Variants in EXOC4 observed in about 807,000 individuals in gnomAD.
EXOC4 encodes the protein exocyst complex component 4, also known as SEC8-like 1.
A neutral mutation model predicts 107.2 loss-of-function variants in EXOC4; 71 were observed. That is an observed-to-expected ratio of 0.66 (90% confidence interval 0.55 to 0.81). The LOEUF (loss-of-function observed/expected upper bound fraction) is 0.81, where lower values mean the gene tolerates loss of function less well. Ranked by LOEUF, EXOC4 falls within the 30% of genes least tolerant of loss-of-function variation. The probability of loss-of-function intolerance (pLI) is 0.00; values close to 1 mark genes in which losing one functional copy is unlikely to be tolerated. For missense variants in EXOC4, 1,108 were observed against 1,189.6 expected, an observed-to-expected ratio of 0.93 and a Z score of 1.01; for synonymous variants, 456 against 441.2, an observed-to-expected ratio of 1.03 and a Z score of -0.42.
chr7:134,067,630 T>TACACACACACACACAC (rs1491203303), downstream of EXOC4, among the ~76,000 whole-genome samples: 8 of 20,270 alleles, frequency 3.9e-4, 1 homozygote, highest in African/African-American at 1.9e-3. Flanking sequence ...AACTCTTATA[T>TACACACACACACACAC]ATATATATAC....
intron 10 of EXOC4, among the ~76,000 whole-genome samples, chr7:133,702,747 A>G (rs1794693520): frequency 1.3e-5 from 2 of 152,162 alleles, no homozygotes; most frequent in South Asian, 4.1e-4. Context: ...CAGCAGAGTC[A>G]TCCGTGGCTC....
intron 11 of EXOC4, among the ~76,000 whole-genome samples, chr7:133,844,457 T>A (rs1798084909): frequency 7.0e-6 from 1 of 143,538 alleles, no homozygotes; most frequent in African/African-American, 2.6e-5. Flanking sequence ...TGGCGCGATC[T>A]TGGCTCACAG....
chr7:133,845,388 TA>T (rs1232699967), intron 11 of EXOC4, among the ~76,000 whole-genome samples: 1 of 145,752 alleles, frequency 6.9e-6, no homozygotes, highest in African/African-American at 2.6e-5. Context: ...ATATTATATA[TA>T]ATATACATAT....
At chr7:133,562,474 G>C (rs1265060963) in intron 9 of EXOC4, among the ~76,000 whole-genome samples, 4 of 152,134 alleles carry the variant, frequency 2.6e-5, no homozygotes. Context: ...GATACTTCCA[G>C]ACTTGTCATT....
intron 11 of EXOC4, among the ~76,000 whole-genome samples, chr7:133,830,987 CAG>C (rs1185338197): frequency 6.7e-6 from 1 of 148,570 alleles, no homozygotes; most frequent in African/African-American, 2.6e-5. Flanking sequence ...TGTTTTGAGA[CAG>C]AGTCTCGCTC....
At chr7:133,640,957 C>T (rs1802840318) in intron 10 of EXOC4, among the ~76,000 whole-genome samples, 2 of 151,864 alleles carry the variant, frequency 1.3e-5, no homozygotes, top group Non-Finnish European at 2.9e-5. Context: ...TAGCACACTG[C>T]AGAATGCCTG....
intron 10 of EXOC4, among the ~76,000 whole-genome samples, chr7:133,719,265 C>T (rs1281147549): frequency 6.6e-6 from 1 of 152,114 alleles, no homozygotes; most frequent in Non-Finnish European, 1.5e-5. Context: ...GAGACCTCCC[C>T]AGCCATGAGA....
rs181034145 is a variant in EXOC4, at chr7:133,357,642, A to C, written c.1007+1069A>C. 4.8e-3 allele frequency among the ~76,000 whole-genome samples: 728 copies of C among 152,310 alleles called. 4 individuals carry two copies. The highest frequency in any genetic ancestry group is 7.3e-3 in the Non-Finnish European group (495 of 68,020). On this transcript the variant is annotated intron_variant, in intron 6 of 17. Coordinates refer to ENST00000253861, the MANE Select transcript of EXOC4 (RefSeq NM_021807.4). ...TATCTACTGTTTATACCTAGGGCTC[A>C]AAGTTTTTTTAAAAGAAGATAAAAT...
intron 9 of EXOC4, among the ~76,000 whole-genome samples, chr7:133,624,133 A>C (rs773601889): frequency 2.0e-5 from 3 of 152,202 alleles, no homozygotes; most frequent in Non-Finnish European, 4.4e-5. Flanking sequence ...GTTCTTTTCT[A>C]CGTGGAAAGG....
chr7:133,863,848 A>G (rs1368608328), intron 11 of EXOC4, among the ~76,000 whole-genome samples: 5 of 152,142 alleles, frequency 3.3e-5, no homozygotes, highest in Non-Finnish European at 7.4e-5. Flanking sequence ...CAGTTCTATT[A>G]CAATCTACTG....
Position 134,011,438 on chromosome 7 carries a change from C to T in EXOC4, c.2687+3603C>T, listed in dbSNP as rs559220656. Among the ~76,000 whole-genome samples the T allele has an allele frequency of 2.0e-5, 3 of 152,212 alleles. No individual in the cohort carries two copies. The East Asian group carries it at 5.8e-4, about 29-fold the overall frequency. On this transcript the variant is annotated intron_variant, in intron 17 of 17. Transcript: ENST00000253861. ...TGTCTCTTTTTTCTCCTTTATTTCTCCAATAGCTCTACTTCCTGCTCTCCT... is the reference window on the plus strand; with the variant it reads ...TGTCTCTTTTTTCTCCTTTATTTCTTCAATAGCTCTACTTCCTGCTCTCCT...
intron 7 of EXOC4, among the ~76,000 whole-genome samples, chr7:133,402,924 C>T (rs1481992932): frequency 7.3e-5 from 10 of 137,226 alleles, no homozygotes; most frequent in Admixed American, 2.4e-4. Context: ...CTCACTCTGT[C>T]GCCAGGCTAG....
intron 10 of EXOC4, among the ~76,000 whole-genome samples, chr7:133,713,945 A>G (rs1794947722): frequency 6.6e-6 from 1 of 152,182 alleles, no homozygotes; most frequent in Non-Finnish European, 1.5e-5. Context: ...AGACTAGTAC[A>G]GTATCATAGA....
chr7:133,991,145 A>T (rs1794248668), intron 14 of EXOC4, among the ~76,000 whole-genome samples: 1 of 151,916 alleles, frequency 6.6e-6, no homozygotes, highest in Non-Finnish European at 1.5e-5. Flanking sequence ...TGTGGTTTTT[A>T]TTTGCAGTTC....
At chr7:134,032,559 A>G (rs1585337667) in intron 17 of EXOC4, among the ~76,000 whole-genome samples, 1 of 152,352 alleles carries the variant, frequency 6.6e-6, no homozygotes, top group East Asian at 1.9e-4. Flanking sequence ...GCCAACAGGA[A>G]CTAGCTCAGT....
intron 5 of EXOC4, among the ~76,000 whole-genome samples, chr7:133,336,695 TTTTATTTTATTTTATTTTATTTTATTTTA>T (rs1458628088): frequency 4.7e-5 from 5 of 106,112 alleles, no homozygotes; most frequent in East Asian, 3.5e-4. Flanking sequence ...ATTTTATTTA[TTTTATTTTATTTTATTTTATTTTATTTTA>T]TTTATTTTAT....
intron 10 of EXOC4, among the ~76,000 whole-genome samples, chr7:133,756,791 G>A (rs925107772): frequency 1.3e-5 from 2 of 152,166 alleles, no homozygotes; most frequent in East Asian, 3.9e-4. Context: ...AAAATTGGAA[G>A]ATATTCTGAA....
chr7:133,573,332 T>A (rs1244213299), intron 9 of EXOC4, among the ~76,000 whole-genome samples: 1 of 152,176 alleles, frequency 6.6e-6, no homozygotes, highest in Non-Finnish European at 1.5e-5. Context: ...GCACCAGATC[T>A]TTTGGGCACC....
chr7:133,778,838 A>G (rs1796401378), intron 10 of EXOC4, among the ~76,000 whole-genome samples: 1 of 152,178 alleles, frequency 6.6e-6, no homozygotes, highest in African/African-American at 2.4e-5. Flanking sequence ...CTAAAATGCT[A>G]ACATTGTTTT....
Sources: allele counts gnomAD v4.1 joint callset (sites outside exome capture counted in the v4.1 genomes callset), GRCh38; gene constraint gnomAD v4.1.1; transcripts MANE v1.5; gene names NCBI Gene and HGNC (gene_info 2026-07-23, HGNC 2026-07-21).